TRDMT1: variants seen among roughly 807,000 people sequenced by gnomAD.
The protein encoded by TRDMT1 is tRNA aspartic acid methyltransferase 1, also known as tRNA (cytosine(38)-C(5))-methyltransferase.
TRDMT1 carries 49 observed loss-of-function variants against 51.2 expected under a neutral mutation model. The ratio of observed to expected loss-of-function variants is 0.96; its 90% CI spans 0.76 to 1.21. TRDMT1 has a LOEUF of 1.21. Ranked by LOEUF, TRDMT1 falls within the 50% of genes most tolerant of loss-of-function variation. TRDMT1 has a pLI of 0.00. For synonymous variants in TRDMT1, 187 were observed against 164.6 expected (o/e 1.14, Z -1.04); for missense variants, 534 against 462.3 (o/e 1.16, Z -1.42).
At chr10:17,181,606 A>G (rs1843287256) in intron 1 of TRDMT1, among the ~76,000 whole-genome samples, 2 of 152,204 alleles carry the variant, frequency 1.3e-5, no homozygotes, top group Admixed American at 6.5e-5. Context: ...CTTAAAAAGT[A>G]TTTAATATGT....
At chr10:17,159,715 G>A (rs550359708) in intron 6 of TRDMT1, among the ~76,000 whole-genome samples, 46 of 152,194 alleles carry the variant, frequency 3.0e-4, no homozygotes, top group African/African-American at 1.1e-3. Context: ...TTTGAAATGG[G>A]TTTTCTATTA....
intron 1 of TRDMT1, among the ~76,000 whole-genome samples, chr10:17,199,096 C>A (rs1228777164): frequency 1.3e-5 from 2 of 152,050 alleles, no homozygotes; most frequent in African/African-American, 4.8e-5. Context: ...TGTTATTAGT[C>A]TTTATTATTA....
intron 2 of TRDMT1, among the ~76,000 whole-genome samples, chr10:17,172,460 C>T (rs1026637785): frequency 6.6e-6 from 1 of 151,962 alleles, no homozygotes; most frequent in Non-Finnish European, 1.5e-5. Flanking sequence ...GAGTTTGAGA[C>T]CAGCCTGGGC....
rs114846421 is a variant in TRDMT1 at position 17,160,919 on chromosome 10, T to C, written c.390-545A>G. Among the ~76,000 whole-genome samples the C allele has an allele frequency of 9.6e-3, 1,466 of 152,344 alleles. 18 individuals are homozygous for C. Among genetic ancestry groups the C allele is most frequent in the African/African-American group, 0.034 (1,406 of 41,574 alleles). On this transcript the variant is annotated intron_variant, in intron 5 of 10. Transcript: ENST00000377799. The stretch of plus-strand genomic sequence containing the variant: ...ACTACAAATAAATAAAGCTGCCAGA[T>C]AAATTATCCAAACTGATGAAAGTCA...
At chr10:17,157,990 T>C (rs1425405065) in intron 7 of TRDMT1, among the ~76,000 whole-genome samples, 1 of 152,174 alleles carries the variant, frequency 6.6e-6, no homozygotes, top group Non-Finnish European at 1.5e-5. Context: ...CTGCAGATGA[T>C]TTATTTCATG....
chr10:17,174,538 G>A lies in TRDMT1; in HGVS notation c.174+13C>T. 1 of 1,547,812 alleles carries A rather than the reference G, an allele frequency of 6.5e-7. No homozygotes were observed. Among genetic ancestry groups the A allele is most frequent in the Non-Finnish European group, 8.9e-7 (1 of 1,120,366 alleles). ...CTTGCTACATACTTATTAAAACAAT[G>A]ACAATTACTCACTTCAATCGTCTTG... is the stretch of plus-strand genomic sequence containing the variant. On this transcript the variant is annotated intron_variant, in intron 2 of 10. Coordinates refer to ENST00000377799, the MANE Select transcript of TRDMT1 (RefSeq NM_004412.7).
chr10:17,157,107 G>A (rs930317934), intron 8 of TRDMT1, among the ~76,000 whole-genome samples: 2 of 152,140 alleles, frequency 1.3e-5, no homozygotes, highest in African/African-American at 4.8e-5. Flanking sequence ...GAACACTTGA[G>A]GTATGATGTG....
At chr10:17,190,855 G>C (rs1428190436) in intron 1 of TRDMT1, among the ~76,000 whole-genome samples, 1 of 152,184 alleles carries the variant, frequency 6.6e-6, no homozygotes, top group Non-Finnish European at 1.5e-5. Context: ...TTCTAGAGGA[G>C]AGAGACAGAC....
rs1837505217 is a variant in TRDMT1 at position 17,138,971 on chromosome 10, G to A, written c.*10069C>T. Among the ~76,000 whole-genome samples, 1 of 152,052 alleles carries A rather than the reference G, an allele frequency of 6.6e-6. No homozygotes were observed. Among genetic ancestry groups the A allele is most frequent in the Admixed American group, 6.5e-5 (1 of 15,274 alleles). ...GAAAACATAAAATATGCACTGGAGG[G>A]TCTCGCATCATTATAAGGATCAGCC... On this transcript the variant is annotated 3_prime_UTR_variant, in exon 11 of 11. Coordinates refer to ENST00000377799, the MANE Select transcript of TRDMT1 (RefSeq NM_004412.7).
In TRDMT1 at chr10:17,201,610, G is replaced by A. The variant is rs1204022271; in HGVS notation, c.25C>T (p.Leu9=). The A allele has an allele frequency of 3.9e-6, 6 of 1,547,408 alleles. No individual in the cohort carries two copies. Among genetic ancestry groups the A allele is most frequent in the African/African-American group, 2.7e-5 (2 of 73,026 alleles). Residue 9 remains leucine, a synonymous_variant, in exon 1 of 11, where the codon CTA becomes TTA. Coordinates refer to ENST00000377799, the MANE Select transcript of TRDMT1 (RefSeq NM_004412.7). Reference sequence around the variant, plus strand: ...TGCATGCCGCCCACGCCGCTGTATAGCTCCAGCACCCGCAGGGGCTCCATC... The same window carrying A: ...TGCATGCCGCCCACGCCGCTGTATAACTCCAGCACCCGCAGGGGCTCCATC... MEPLRVLE[L]YSGVGGMHHA... is the part of the protein sequence containing the mutation.
At chr10:17,200,694 G>C (rs546527475) in intron 1 of TRDMT1, 1 of 155,944 alleles carries the variant, frequency 6.4e-6, no homozygotes, top group East Asian at 1.9e-4. Context: ...AATTTTGAGT[G>C]AATATCACCA....
At chr10:17,159,795 C>A (rs146842725) in intron 6 of TRDMT1, among the ~76,000 whole-genome samples, 1,616 of 152,160 alleles carry the variant, frequency 0.011, 16 homozygotes, top group Non-Finnish European at 0.018. Flanking sequence ...TAACAAAAAG[C>A]TGACAGCAAC....
chr10:17,197,338 A>G (rs1845587257), intron 1 of TRDMT1, among the ~76,000 whole-genome samples: 1 of 152,186 alleles, frequency 6.6e-6, no homozygotes, highest in South Asian at 2.1e-4. Flanking sequence ...ACAGCAAAGA[A>G]TGTTACATTT....
chr10:17,201,442 G>T, intron 1 of TRDMT1, 129 bp downstream of exon 1: 4 of 886,026 alleles, frequency 4.5e-6, no homozygotes, highest in South Asian at 1.8e-5. Context: ...GGACAACCGA[G>T]GGCCGCCCCA....
chr10:17,201,442 G>GTGCCGCCCCACAGT, intron 1 of TRDMT1, 129 bp downstream of exon 1: 6 of 886,010 alleles, frequency 6.8e-6, no homozygotes, highest in Non-Finnish European at 8.1e-6. Context: ...GGACAACCGA[G>GTGCCGCCCCACAGT]GGCCGCCCCA....
chr10:17,147,999 A>C lies in TRDMT1; in HGVS notation c.*1041T>G, dbSNP rs1838270028. 1.0e-6 allele frequency: 1 copy of C among 984,882 alleles called. No homozygotes were observed. Among genetic ancestry groups the C allele is most frequent in the African/African-American group, 1.7e-5 (1 of 57,252 alleles). 61.0% of individuals were successfully genotyped at this position (984,882 alleles called of 1,614,324 possible). A position where few individuals can be genotyped will look rare whatever the true frequency, so the allele number is the denominator to read the frequency against. On this transcript the variant is annotated 3_prime_UTR_variant, in exon 11 of 11. Transcript: ENST00000377799. ...TTTTTAAGAAGAAAAATTTGAATTA[A>C]AATCTTGTAATATGATTTCTGGACT... is the stretch of plus-strand genomic sequence containing the variant.
chr10:17,201,477 C>CCCACAGTGTCCGCG, intron 1 of TRDMT1, 94 bp downstream of exon 1: 1 of 1,346,796 alleles, frequency 7.4e-7, no homozygotes, highest in Non-Finnish European at 1.0e-6. Context: ...CAGTGTCCGC[C>CCCACAGTGTCCGCG]CCTTGCGTCT....
intron 1 of TRDMT1, among the ~76,000 whole-genome samples, chr10:17,199,751 G>C (rs1035011275): frequency 6.6e-6 from 1 of 152,216 alleles, no homozygotes; most frequent in Non-Finnish European, 1.5e-5. Context: ...ACGGAGTAGG[G>C]AGGCAGAATG....
In TRDMT1 at chr10:17,148,439, C is replaced by T. The variant is rs1021226212; in HGVS notation, c.*601G>A. On this transcript the variant is annotated 3_prime_UTR_variant, in exon 11 of 11. Transcript: ENST00000377799. ...CTGAGGAAAATGTAGATAATGTGCA[C>T]CAACAGTTTCTGTGGCCGCTTCATG... 1 of 985,240 alleles carries T rather than the reference C, an allele frequency of 1.0e-6. No individual in the cohort carries two copies. Among genetic ancestry groups the T allele is most frequent in the South Asian group, 4.7e-5 (1 of 21,286 alleles). The allele number at this position is 985,240 out of a possible 1,614,324, so 61.0% of individuals were successfully genotyped here.
Sources: allele counts gnomAD v4.1 joint callset (sites outside exome capture counted in the v4.1 genomes callset), GRCh38; gene constraint gnomAD v4.1.1; transcripts MANE v1.5; gene names NCBI Gene and HGNC (gene_info 2026-07-23, HGNC 2026-07-21).